Variants in DSCAM observed in about 807,000 individuals in gnomAD.
DSCAM encodes cell adhesion molecule DSCAM.
DSCAM carries 47 observed loss-of-function variants against 217.7 expected under a neutral mutation model. The observed-to-expected ratio is 0.22, with a 90% confidence interval of 0.17 to 0.28. DSCAM has a LOEUF of 0.28. Among genes scored for constraint, DSCAM ranks in the 10% least tolerant of loss-of-function variants. The pLI is 1.00. For synonymous variants in DSCAM, 1,056 were observed against 1,015.3 expected, an observed-to-expected ratio of 1.04 and a Z score of -0.76; for missense variants, 2,080 against 2,618.3, an observed-to-expected ratio of 0.79 and a Z score of 4.49.
chr21:40,490,693 C>G (rs1202121511), intron 3 of DSCAM, among the ~76,000 whole-genome samples: 1 of 152,168 alleles, frequency 6.6e-6, no homozygotes, highest in South Asian at 2.1e-4. Context: ...GGATGAGGAC[C>G]AATTGTTAAT....
intron 3 of DSCAM, among the ~76,000 whole-genome samples, chr21:40,454,327 C>A (rs900798255): frequency 6.6e-6 from 1 of 152,142 alleles, no homozygotes; most frequent in African/African-American, 2.4e-5. Context: ...TTCTTTTGTT[C>A]TTCTGTGAAA....
chr21:40,343,153 T>G (rs1395180515), intron 6 of DSCAM, among the ~76,000 whole-genome samples: 1 of 152,162 alleles, frequency 6.6e-6, no homozygotes, highest in Non-Finnish European at 1.5e-5. Flanking sequence ...TGTGTATCAT[T>G]CTTATATCCA....
chr21:40,731,081 C>T (rs1306470415), intron 1 of DSCAM, among the ~76,000 whole-genome samples: 2 of 152,062 alleles, frequency 1.3e-5, no homozygotes, highest in Admixed American at 6.5e-5. Context: ...TCAGAGGCAA[C>T]AAATATGAGC....
intron 32 of DSCAM, among the ~76,000 whole-genome samples, chr21:40,025,791 T>TATC (rs1468632848): frequency 6.6e-6 from 1 of 150,892 alleles, no homozygotes; most frequent in Non-Finnish European, 1.5e-5. Flanking sequence ...GCTAGCAGTC[T>TATC]ATCTATTTTG....
chr21:40,779,813 A>G (rs978826284), intron 1 of DSCAM, among the ~76,000 whole-genome samples: 4 of 152,178 alleles, frequency 2.6e-5, no homozygotes, highest in African/African-American at 9.7e-5. Context: ...AGGAATAGAA[A>G]AATGCCCATG....
intron 3 of DSCAM, among the ~76,000 whole-genome samples, chr21:40,373,783 C>G (rs574027663): frequency 1.3e-5 from 2 of 152,282 alleles, no homozygotes; most frequent in South Asian, 4.1e-4. Flanking sequence ...AAGAAAAAAC[C>G]TGGGCTTTGG....
At chr21:40,398,543 C>T (rs142462222) in intron 3 of DSCAM, among the ~76,000 whole-genome samples, 1 of 152,260 alleles carries the variant, frequency 6.6e-6, no homozygotes, top group African/African-American at 2.4e-5. Flanking sequence ...GTCCCAACAC[C>T]CTTGCTCTGT....
intron 1 of DSCAM, among the ~76,000 whole-genome samples, chr21:40,760,538 G>C (rs1363133175): frequency 6.6e-6 from 1 of 152,212 alleles, no homozygotes; most frequent in Non-Finnish European, 1.5e-5. Context: ...GCACAGGCCA[G>C]TCAGGGAGTA....
intron 10 of DSCAM, among the ~76,000 whole-genome samples, chr21:40,283,191 A>G (rs2073786000): frequency 6.6e-6 from 1 of 152,212 alleles, no homozygotes; most frequent in South Asian, 2.1e-4. Context: ...TCTTTATTCT[A>G]AAGAGTAAAA....
intron 3 of DSCAM, among the ~76,000 whole-genome samples, chr21:40,625,926 GCT>G (rs2089595156): frequency 6.6e-6 from 1 of 151,882 alleles, no homozygotes; most frequent in African/African-American, 2.4e-5. Flanking sequence ...TGTCTAGCAG[GCT>G]CTTTTTGAAA....
intron 9 of DSCAM, 22 bp downstream of exon 9, chr21:40,312,059 T>C: frequency 6.3e-7 from 1 of 1,595,734 alleles, no homozygotes; most frequent in Non-Finnish European, 8.6e-7. Context: ...AGATGCCACA[T>C]GGCTCATGAT....
chr21:40,659,681 GTCTA>G (rs968380882), intron 3 of DSCAM, among the ~76,000 whole-genome samples: 67 of 150,156 alleles, frequency 4.5e-4, no homozygotes, highest in East Asian at 2.6e-3. Context: ...CTGCCTATCT[GTCTA>G]TCTATTATCT....
At position 40,620,384 on chromosome 21, in the gene DSCAM, A is replaced by G. The variant is rs760110522; in HGVS notation, c.508+72426T>C. On this transcript the variant is annotated intron_variant, in intron 3 of 32. Coordinates refer to ENST00000400454, the MANE Select transcript of DSCAM (RefSeq NM_001389.5). ...AAAAAGAAAAAGAAAGAAAGAAAGA[A>G]AGAGAAAGAAAGAAAGAAAGGAGGG... 8.7e-3 allele frequency among the ~76,000 whole-genome samples: 821 copies of G among 94,820 alleles called. 207 individuals are homozygous for G. The highest frequency in any genetic ancestry group is 0.013 in the Non-Finnish European group (519 of 39,162). 62.2% of individuals were successfully genotyped at this position (94,820 alleles called of 152,430 possible).
intron 16 of DSCAM, among the ~76,000 whole-genome samples, chr21:40,145,041 C>T (rs1759303061): frequency 6.6e-6 from 1 of 152,144 alleles, no homozygotes; most frequent in South Asian, 2.1e-4. Context: ...GCCCCAGAGC[C>T]TGCGCTCTCA....
intron 3 of DSCAM, among the ~76,000 whole-genome samples, chr21:40,623,771 G>T (rs1909146342): frequency 6.6e-6 from 1 of 152,192 alleles, no homozygotes; most frequent in East Asian, 1.9e-4. Flanking sequence ...ACTTTCATAT[G>T]TAAATATGTG....
At chr21:40,218,248 G>A (rs1239802026) in intron 11 of DSCAM, among the ~76,000 whole-genome samples, 1 of 152,088 alleles carries the variant, frequency 6.6e-6, no homozygotes, top group Non-Finnish European at 1.5e-5. Context: ...CTTGAATAGG[G>A]AGTCTTTTCC....
intron 32 of DSCAM, among the ~76,000 whole-genome samples, chr21:40,026,344 T>G (rs1176278710): frequency 7.0e-6 from 1 of 143,176 alleles, no homozygotes; most frequent in Non-Finnish European, 1.5e-5. Context: ...AAAATGTGTA[T>G]TCTGTTGATT....
chr21:40,400,646 G>A (rs537404839), intron 3 of DSCAM, among the ~76,000 whole-genome samples: 3 of 152,308 alleles, frequency 2.0e-5, no homozygotes, highest in Non-Finnish European at 4.4e-5. Flanking sequence ...TGAACTCCTA[G>A]CCTCAAGCAA....
rs538297139 is a variant in DSCAM, at chr21:40,138,824, TGTG to T, written c.3406+3731_3406+3733del. Among the ~76,000 whole-genome samples the T allele has an allele frequency of 3.6e-3, 518 of 144,972 alleles. 5 individuals are homozygous for T. The highest frequency in any genetic ancestry group is 0.013 in the African/African-American group (494 of 38,644). On this transcript the variant is annotated intron_variant, in intron 18 of 32. Coordinates refer to ENST00000400454, the MANE Select transcript of DSCAM (RefSeq NM_001389.5). ...GTATGTGTGGTGTGTGTACGTGTGG[TGTG>T]GTGTGTGGTGTATGTGGGGTGTATG...
Sources: gnomAD v4.1 joint callset for allele counts (sites outside exome capture counted in the v4.1 genomes callset) on GRCh38, gnomAD v4.1.1 for gene constraint, MANE v1.5 for transcripts, NCBI Gene and HGNC (gene_info 2026-07-23, HGNC 2026-07-21) for gene names.